Variants in RFTN1 observed in about 807,000 individuals in gnomAD.
The protein encoded by RFTN1 is raftlin, lipid raft linker 1, also known as raftlin.
In RFTN1, 26 loss-of-function variants were observed where a neutral mutation model predicts 46.5. The observed-to-expected ratio is 0.56, with a 90% CI of 0.41 to 0.78. RFTN1 has a LOEUF of 0.78. Among genes scored for constraint, RFTN1 ranks in the 30% least tolerant of loss-of-function variants. The pLI is 0.00. For synonymous variants in RFTN1, 261 were observed against 284.2 expected (o/e 0.92, Z 0.82); for missense variants, 693 against 718.7 (o/e 0.96, Z 0.41).
rs1055639759 is a variant in RFTN1, at chr3:16,316,084, C to T, written c.*744G>A. The T allele has an allele frequency of 3.3e-5, 5 of 152,904 alleles. No individual in the cohort carries two copies. Among genetic ancestry groups the T allele is most frequent in the African/African-American group, 1.2e-4 (5 of 41,574 alleles). 9.5% of individuals were successfully genotyped at this position (152,904 alleles called of 1,614,324 possible). A position where few individuals can be genotyped will look rare whatever the true frequency, so the allele number is the denominator to read the frequency against. ...ACATAACAAGGGCGCCAGCCAGTCC[C>T]GATGCCCTGAAGTGACAGAAGTAAT... On this transcript the variant is annotated 3_prime_UTR_variant, in exon 10 of 10. Transcript: ENST00000334133. This position sits in a 1 kb window ranked among gnomAD's most constrained non-coding sequence, Gnocchi z 4.5.
Position 16,407,215 on chromosome 3 carries a change from C to T in RFTN1, c.441+2160G>A, listed in dbSNP as rs2074879947. ...CTTTCTTTTAAGAGACTGGGTCTCA[C>T]TCTGTCAGCCAGGCTGGAGTGCAGT... On this transcript the variant is annotated intron_variant, in intron 4 of 9. Transcript: ENST00000334133. The surrounding 1 kb of genome is among the most constrained non-coding windows in gnomAD (Gnocchi z 4.0). Among the ~76,000 whole-genome samples the T allele has an allele frequency of 6.6e-6, 1 of 152,232 alleles. No homozygotes were observed. Among genetic ancestry groups the T allele is most frequent in the East Asian group, 1.9e-4 (1 of 5,208 alleles).
At position 16,451,745 on chromosome 3, in the gene RFTN1, T is replaced by C. The variant is rs1479949408; in HGVS notation, c.146-17708A>G. Among the ~76,000 whole-genome samples the C allele has an allele frequency of 6.6e-6, 1 of 152,208 alleles. No individual in the cohort carries two copies. Among genetic ancestry groups the C allele is most frequent in the Non-Finnish European group, 1.5e-5 (1 of 68,036 alleles). Reference sequence around the variant, plus strand: ...ACTACTAGCGTGATTTTTTTTTCCTTCCTCACAATTTCATAGATGGAAGAT... The same window carrying C: ...ACTACTAGCGTGATTTTTTTTTCCTCCCTCACAATTTCATAGATGGAAGAT... On this transcript the variant is annotated intron_variant, in intron 2 of 9. Transcript: ENST00000334133. This position sits in a 1 kb window ranked among gnomAD's most constrained non-coding sequence, Gnocchi z 4.2.
chr3:16,337,740 CAAAAAAAA>C lies in RFTN1; in HGVS notation c.1147-10872_1147-10865del, dbSNP rs5846920. Among the ~76,000 whole-genome samples the C allele has an allele frequency of 2.1e-5, 2 of 95,178 alleles. No individual in the cohort carries two copies. Among genetic ancestry groups the C allele is most frequent in the South Asian group, 3.6e-4 (1 of 2,766 alleles). The allele number at this position is 95,178 out of a possible 152,430, so 62.4% of individuals were successfully genotyped here. The stretch of plus-strand genomic sequence containing the variant: ...CTGGCGACAGAGCGAGACTCCATCT[CAAAAAAAA>C]AAAAAAAAAGAAAAGAAAGTCACCT... On this transcript the variant is annotated intron_variant, in intron 7 of 9. Transcript: ENST00000334133. The surrounding 1 kb of genome is among the most constrained non-coding windows in gnomAD (Gnocchi z 5.0).
At chr3:16,454,936 C>G (rs2075879527) in intron 2 of RFTN1, 1 of 230,622 alleles carries the variant, frequency 4.3e-6, no homozygotes, top group Non-Finnish European at 7.1e-6. Context: ...AAGGATAGAG[C>G]AAATACAGAA....
At chr3:16,412,196 A>T (rs1056979246) in intron 3 of RFTN1, among the ~76,000 whole-genome samples, 3 of 152,246 alleles carry the variant, frequency 2.0e-5, no homozygotes, top group African/African-American at 7.2e-5. Context: ...TCTAATGCAT[A>T]TTGGGGGAAT....
rs2072419950 is a variant in RFTN1 at position 16,356,136 on chromosome 3, C to A, written c.1146+1796G>T. Among the ~76,000 whole-genome samples the A allele has an allele frequency of 6.6e-6, 1 of 152,340 alleles. No homozygotes were observed. Among genetic ancestry groups the A allele is most frequent in the South Asian group, 2.1e-4 (1 of 4,822 alleles). ...CACCACACGTGATGGGCCATGTGAC[C>A]TGCCCAGCTTACAAGTTGAGGAAGG... On this transcript the variant is annotated intron_variant, in intron 7 of 9. Coordinates refer to ENST00000334133, the MANE Select transcript of RFTN1 (RefSeq NM_015150.2). The surrounding 1 kb of genome is among the most constrained non-coding windows in gnomAD (Gnocchi z 4.9).
At chr3:16,467,001 C>G (rs1478935302) in intron 2 of RFTN1, among the ~76,000 whole-genome samples, 1 of 152,104 alleles carries the variant, frequency 6.6e-6, no homozygotes, top group Non-Finnish European at 1.5e-5. Context: ...GACTGGCAGG[C>G]CTAAGGTCAA....
intron 1 of RFTN1, among the ~76,000 whole-genome samples, chr3:16,501,946 C>T (rs893499212): frequency 9.9e-5 from 15 of 152,198 alleles, no homozygotes; most frequent in Non-Finnish European, 1.8e-4. Flanking sequence ...TTATATGGTA[C>T]CACTTTTTAA....
chr3:16,433,838 G>A lies in RFTN1; in HGVS notation c.332+13C>T, dbSNP rs372475268. 88 of 1,613,684 alleles carry A rather than the reference G, an allele frequency of 5.5e-5. No individual in the cohort carries two copies. In the African/African-American group the frequency reaches 7.9e-4, roughly 14 times the overall value. ...GCAACAGGATGCTACCCATTCACCC[G>A]TGGAGGCCTTACCTGTCGGTTTTCT... On this transcript the variant is annotated intron_variant, in intron 3 of 9. Coordinates refer to ENST00000334133, the MANE Select transcript of RFTN1 (RefSeq NM_015150.2). This position sits in a 1 kb window ranked among gnomAD's most constrained non-coding sequence, Gnocchi z 4.4.
intron 2 of RFTN1, among the ~76,000 whole-genome samples, chr3:16,469,270 T>A (rs530291543): frequency 5.3e-4 from 80 of 152,352 alleles, no homozygotes; most frequent in Admixed American, 1.6e-3. Context: ...AAAGAATTAA[T>A]ATATGTGAAG....
rs764023546 is a variant in RFTN1 at position 16,383,731 on chromosome 3, G to A, written c.442-5629C>T. 1.2e-4 allele frequency among the ~76,000 whole-genome samples: 18 copies of A among 152,176 alleles called. No individual in the cohort carries two copies. Among genetic ancestry groups the A allele is most frequent in the Non-Finnish European group, 2.2e-4 (15 of 68,040 alleles). ...GAAATCAGAAAGAAGTGAGACACAG[G>A]TTGGATTTCATAAAAATGAAGGCTA... On this transcript the variant is annotated intron_variant, in intron 4 of 9. Transcript: ENST00000334133. The surrounding 1 kb of genome is among the most constrained non-coding windows in gnomAD (Gnocchi z 4.0).
intron 2 of RFTN1, among the ~76,000 whole-genome samples, chr3:16,492,078 CA>C (rs1164497320): frequency 6.6e-6 from 1 of 152,234 alleles, no homozygotes; most frequent in East Asian, 1.9e-4. Context: ...CAACTACACA[CA>C]GGGGGAAGGC....
chr3:16,497,547 C>G lies in RFTN1; in HGVS notation c.-8-3670G>C, dbSNP rs527718479. Among the ~76,000 whole-genome samples, 27 of 152,316 alleles carry G rather than the reference C, an allele frequency of 1.8e-4. No homozygotes were observed. The East Asian group carries it at 3.7e-3, about 21-fold the overall frequency. On this transcript the variant is annotated intron_variant, in intron 1 of 9. Transcript: ENST00000334133. ...GATGGGACCAAGGCTGAATGAGGAGCGGATAGGCTGGCAAGCAAGGGAAGG... is the reference window on the plus strand; with the variant it reads ...GATGGGACCAAGGCTGAATGAGGAGGGGATAGGCTGGCAAGCAAGGGAAGG...
chr3:16,477,593 T>C (rs1427527678), intron 2 of RFTN1, among the ~76,000 whole-genome samples: 3 of 152,194 alleles, frequency 2.0e-5, no homozygotes, highest in Non-Finnish European at 4.4e-5. Flanking sequence ...CAGGGACATA[T>C]GGGAAGAGCC....
chr3:16,461,417 T>A (rs1269857456), intron 2 of RFTN1, among the ~76,000 whole-genome samples: 1 of 152,212 alleles, frequency 6.6e-6, no homozygotes, highest in Non-Finnish European at 1.5e-5. Flanking sequence ...ATTAAAAATA[T>A]ATACACATAC....
intron 4 of RFTN1, among the ~76,000 whole-genome samples, chr3:16,406,132 C>T (rs762164939): frequency 3.9e-5 from 6 of 152,172 alleles, no homozygotes; most frequent in Non-Finnish European, 7.3e-5. Flanking sequence ...TAAAATTCAG[C>T]CATCAGTTGG....
rs2076700711 is a variant in RFTN1 at position 16,500,928 on chromosome 3, T to C, written c.-8-7051A>G. Among the ~76,000 whole-genome samples, 1 of 152,236 alleles carries C rather than the reference T, an allele frequency of 6.6e-6. No homozygotes were observed. Among genetic ancestry groups the C allele is most frequent in the Admixed American group, 6.5e-5 (1 of 15,284 alleles). On this transcript the variant is annotated intron_variant, in intron 1 of 9. Coordinates refer to ENST00000334133, the MANE Select transcript of RFTN1 (RefSeq NM_015150.2). The surrounding 1 kb of genome is among the most constrained non-coding windows in gnomAD (Gnocchi z 5.9). ...ATACCCATGGTGCAGTATGGCTGACTGTTCGGGAAGTCTGGACAGAATGCG... is the reference window on the plus strand; with the variant it reads ...ATACCCATGGTGCAGTATGGCTGACCGTTCGGGAAGTCTGGACAGAATGCG...
At chr3:16,379,397 G>T (rs2073903237) in intron 4 of RFTN1, among the ~76,000 whole-genome samples, 1 of 152,218 alleles carries the variant, frequency 6.6e-6, no homozygotes, top group Non-Finnish European at 1.5e-5. Context: ...GACCTACTAT[G>T]TCTAGGCATT....
In RFTN1 at chr3:16,506,843, C is replaced by T. The variant is rs74339558; in HGVS notation, c.-9+6599G>A. On this transcript the variant is annotated intron_variant, in intron 1 of 9. Transcript: ENST00000334133. The surrounding 1 kb of genome is among the most constrained non-coding windows in gnomAD (Gnocchi z 4.8). ...AGCTATTCCAATGCCCTGCCCATAACAGATGCACAATAAATACCTACTTAG... is the reference window on the plus strand; with the variant it reads ...AGCTATTCCAATGCCCTGCCCATAATAGATGCACAATAAATACCTACTTAG... 0.063 allele frequency among the ~76,000 whole-genome samples: 9,544 copies of T among 152,186 alleles called. 542 individuals carry two copies. The highest frequency in any genetic ancestry group is 0.14 in the African/African-American group (5,744 of 41,500).
Sources: allele counts gnomAD v4.1 joint callset (sites outside exome capture counted in the v4.1 genomes callset), GRCh38; gene constraint gnomAD v4.1.1; non-coding constraint Gnocchi (gnomAD v3.1); transcripts MANE v1.5; gene names NCBI Gene and HGNC (gene_info 2026-07-23, HGNC 2026-07-21).